Variants in RFESD observed in about 807,000 individuals in gnomAD.
The protein encoded by RFESD is Rieske domain-containing protein.
In RFESD, 16 loss-of-function variants were observed where a neutral mutation model predicts 24.4. That is an observed-to-expected ratio of 0.66 (90% CI 0.44 to 1.00). RFESD has a LOEUF of 1.00. Among genes scored for constraint, RFESD ranks in the 50% least tolerant of loss-of-function variants. RFESD has a pLI of 0.00. For synonymous variants in RFESD, 59 were observed against 81.8 expected, an observed-to-expected ratio of 0.72 and a Z score of 1.50; for missense variants, 208 against 247.0, an observed-to-expected ratio of 0.84 and a Z score of 1.06.
intron 5 of RFESD, 36 bp downstream of exon 5, chr5:95,654,403 C>T (rs1322842001): frequency 7.4e-7 from 1 of 1,342,458 alleles, no homozygotes; most frequent in Non-Finnish European, 1.0e-6. Flanking sequence ...GCAAATTCAG[C>T]AAATAAATAT....
rs1750826088 is a variant in RFESD at position 95,657,387 on chromosome 5, T to G, written c.*1078T>G. On this transcript the variant is annotated 3_prime_UTR_variant, in exon 6 of 6. Coordinates refer to ENST00000380005, the MANE Select transcript of RFESD (RefSeq NM_001131066.2). ...CCATGCAAAAATCAGCAGCACATAGTGGTGATTTTTGCATGGTCAGTGCTC... is the reference window on the plus strand; with the variant it reads ...CCATGCAAAAATCAGCAGCACATAGGGGTGATTTTTGCATGGTCAGTGCTC... 1 of 151,746 alleles carries G rather than the reference T, an allele frequency of 6.6e-6. No homozygotes were observed. The highest frequency in any genetic ancestry group is 2.1e-4 in the South Asian group (1 of 4,804). 9.4% of individuals were successfully genotyped at this position (151,746 alleles called of 1,614,324 possible). A position where few individuals can be genotyped will look rare whatever the true frequency, so the allele number is the denominator to read the frequency against.
chr5:95,655,157 GTTTAT>G (rs1163325741), intron 5 of RFESD, among the ~76,000 whole-genome samples: 2 of 152,090 alleles, frequency 1.3e-5, no homozygotes, highest in African/African-American at 4.8e-5. Context: ...ACGTATGTGT[GTTTAT>G]TTTTTCTATT....
At position 95,653,121 on chromosome 5, in the gene RFESD, G is replaced by A. The variant is rs1750461108; in HGVS notation, c.65G>A (p.Gly22Glu). ...TTGTATTTGCTCTTCTTTCAGTATG[G>A]AATTCTCTTCCCCAAGCTGTTGGCA... The part of the protein sequence containing the change: ...SSLSTLPLQY[G>E]ILFPKLLACL... The change falls in exon 3 of 6, where the codon GGA becomes GAA. Residue 22 changes from glycine (G) to glutamate (E), a missense_variant. Physicochemically the swap from Gly to Glu is moderately conservative, Grantham distance 98. Transcript: ENST00000380005. 1.3e-6 allele frequency: 2 copies of A among 1,551,506 alleles called. No individual in the cohort carries two copies. Among genetic ancestry groups the A allele is most frequent in the Non-Finnish European group, 1.7e-6 (2 of 1,146,944 alleles).
chr5:95,648,851 A>G (rs1047113144), intron 1 of RFESD, among the ~76,000 whole-genome samples: 3 of 142,734 alleles, frequency 2.1e-5, no homozygotes, highest in Non-Finnish European at 4.5e-5. Context: ...TTTTGATATT[A>G]TACTACATCT....
At chr5:95,654,917 T>C (rs1477126880) in intron 5 of RFESD, among the ~76,000 whole-genome samples, 1 of 152,028 alleles carries the variant, frequency 6.6e-6, no homozygotes, top group African/African-American at 2.4e-5. Context: ...ATAACAAAAA[T>C]ATACAGTATA....
Position 95,652,125 on chromosome 5 carries a change from T to G in RFESD, c.-135-12T>G. Reference sequence around the variant, plus strand: ...ATTTATGTGGCCTCATTGCCTGCCTTTTTTTTTCCAGGTTACCACCTATTT... The same window carrying G: ...ATTTATGTGGCCTCATTGCCTGCCTGTTTTTTTCCAGGTTACCACCTATTT... On this transcript the variant is annotated splice_polypyrimidine_tract_variant and intron_variant, in intron 1 of 5. Coordinates refer to ENST00000380005, the MANE Select transcript of RFESD (RefSeq NM_001131066.2). 2.7e-6 allele frequency: 3 copies of G among 1,096,442 alleles called. No individual in the cohort carries two copies. In the South Asian group the frequency reaches 7.4e-5, roughly 27 times the overall value. 67.9% of individuals were successfully genotyped at this position (1,096,442 alleles called of 1,614,324 possible).
chr5:95,649,135 TA>T (rs5869684), intron 1 of RFESD, among the ~76,000 whole-genome samples: 45,092 of 151,878 alleles, frequency 0.3, 6,923 homozygotes, highest in Middle Eastern at 0.4. Context: ...TAATTTTAAT[TA>T]TAAGAAAAAA....
intron 1 of RFESD, among the ~76,000 whole-genome samples, chr5:95,648,586 A>G (rs1750196423): frequency 6.6e-6 from 1 of 152,232 alleles, no homozygotes; most frequent in South Asian, 2.1e-4. Flanking sequence ...TTTAAGATAC[A>G]TAGAGGAAAC....
At chr5:95,653,053 C>T in intron 2 of RFESD, 64 bp from the exon 3 acceptor site, 8 of 1,543,368 alleles carry the variant, frequency 5.2e-6, no homozygotes, top group Non-Finnish European at 7.0e-6. Flanking sequence ...ATGTTCCAGT[C>T]TTCTGGAACA....
chr5:95,656,465 A>C lies in RFESD; in HGVS notation c.*156A>C, dbSNP rs1750769191. The C allele has an allele frequency of 1.2e-5, 7 of 605,664 alleles. No individual in the cohort carries two copies. The highest frequency in any genetic ancestry group is 2.0e-5 in the Non-Finnish European group (7 of 345,634). 37.5% of individuals were successfully genotyped at this position (605,664 alleles called of 1,614,324 possible). A position where few individuals can be genotyped will look rare whatever the true frequency, so the allele number is the denominator to read the frequency against. On this transcript the variant is annotated 3_prime_UTR_variant, in exon 6 of 6. Transcript: ENST00000380005. ...AGGTTTAAGAGCACACATACTTAGTATGATGTAAGGATTATCATCAGGATC... is the reference window on the plus strand; with the variant it reads ...AGGTTTAAGAGCACACATACTTAGTCTGATGTAAGGATTATCATCAGGATC...
intron 3 of RFESD, among the ~76,000 whole-genome samples, 165 bp from the exon 4 acceptor site, chr5:95,653,896 T>C (rs1295209112): frequency 6.6e-6 from 1 of 152,166 alleles, no homozygotes; most frequent in East Asian, 1.9e-4. Context: ...AGACTCTGTC[T>C]CAAAATAATA....
chr5:95,654,406 A>G, intron 5 of RFESD, 39 bp downstream of exon 5: 1 of 1,309,236 alleles, frequency 7.6e-7, no homozygotes, highest in Non-Finnish European at 1.1e-6. Flanking sequence ...AATTCAGCAA[A>G]TAAATATATT....
intron 3 of RFESD, 60 bp from the exon 4 acceptor site, chr5:95,654,001 T>A: frequency 6.9e-7 from 1 of 1,458,786 alleles, no homozygotes; most frequent in Non-Finnish European, 9.4e-7. Context: ...GTTATCTCCA[T>A]TAAGCTGGAA....
chr5:95,654,355 G>C lies in RFESD; in HGVS notation c.357G>C (p.Leu119Phe). The C allele has an allele frequency of 1.9e-6, 3 of 1,604,200 alleles. No homozygotes were observed. The highest frequency in any genetic ancestry group is 2.6e-6 in the Non-Finnish European group (3 of 1,173,192). Residue 119 changes from leucine (L) to phenylalanine (F), a missense_variant, in exon 5 of 6, where the codon TTG becomes TTC. Physicochemically the swap from Leu to Phe is conservative, Grantham distance 22. Transcript: ENST00000380005. The stretch of plus-strand genomic sequence containing the variant: ...CAGACTCAGGAGGACCTTTACATTT[G>C]GGAGATATAGAGGTATGTAAAATTA... ...RCYHSGGPLH[L>F]GDIEDFDGRP...
At chr5:95,653,430 T>C (rs974675334) in intron 3 of RFESD, among the ~76,000 whole-genome samples, 1 of 152,260 alleles carries the variant, frequency 6.6e-6, no homozygotes, top group African/African-American at 2.4e-5. Context: ...TTGAATTTGA[T>C]AGGAAATAAA....
intron 5 of RFESD, among the ~76,000 whole-genome samples, chr5:95,654,918 A>T (rs1750644452): frequency 1.3e-5 from 2 of 152,118 alleles, no homozygotes; most frequent in South Asian, 4.1e-4. Flanking sequence ...TAACAAAAAT[A>T]TACAGTATAA....
chr5:95,649,208 C>T (rs1750218232), intron 1 of RFESD, among the ~76,000 whole-genome samples: 1 of 152,002 alleles, frequency 6.6e-6, no homozygotes. Context: ...GATATATTTA[C>T]CCTATAGTAC....
At chr5:95,648,032 A>T (rs1309254639) in intron 1 of RFESD, 1 of 152,240 alleles carries the variant, frequency 6.6e-6, no homozygotes, top group African/African-American at 2.4e-5. Flanking sequence ...AAGTTTCCAC[A>T]CTTGGTAAAA....
At chr5:95,654,750 G>C (rs555578023) in intron 5 of RFESD, among the ~76,000 whole-genome samples, 8 of 152,144 alleles carry the variant, frequency 5.3e-5, no homozygotes, top group African/African-American at 7.2e-5. Flanking sequence ...TGGGTATGGA[G>C]AGATGTGAAC....
Sources: allele counts gnomAD v4.1 joint callset (sites outside exome capture counted in the v4.1 genomes callset), GRCh38; gene constraint gnomAD v4.1.1; transcripts MANE v1.5; gene names NCBI Gene and HGNC (gene_info 2026-07-23, HGNC 2026-07-21).